FRMD4A: variants seen among roughly 807,000 people sequenced by gnomAD.
The protein encoded by FRMD4A is FERM domain-containing protein 4A.
In FRMD4A, 29 loss-of-function variants were observed where a neutral mutation model predicts 129.1. The observed-to-expected ratio is 0.22, with a 90% CI of 0.17 to 0.31. The LOEUF (loss-of-function observed/expected upper bound fraction) is 0.31. FRMD4A is among the 10% of genes least tolerant of loss of function. FRMD4A has a pLI of 1.00. For missense variants in FRMD4A, 1,272 were observed against 1,375.8 expected (o/e 0.92, Z 1.19); for synonymous variants, 634 against 571.6 (o/e 1.11, Z -1.56).
chr10:14,102,671 CT>C (rs1364530802), intron 2 of FRMD4A, among the ~76,000 whole-genome samples: 2 of 151,906 alleles, frequency 1.3e-5, no homozygotes, highest in Non-Finnish European at 2.9e-5. Flanking sequence ...TGTAAATTCT[CT>C]CAATTTTATC....
intron 2 of FRMD4A, among the ~76,000 whole-genome samples, chr10:14,117,775 C>A (rs1039068164): frequency 3.3e-5 from 5 of 152,120 alleles, no homozygotes; most frequent in African/African-American, 1.2e-4. Flanking sequence ...CCTTTCAGGC[C>A]GTGCCTTTTG....
chr10:13,766,530 A>G (rs2092291870), intron 6 of FRMD4A, among the ~76,000 whole-genome samples: 1 of 152,208 alleles, frequency 6.6e-6, no homozygotes, highest in Non-Finnish European at 1.5e-5. Flanking sequence ...CATTGAATTT[A>G]AGGATCATTT....
At chr10:14,304,776 C>A (rs1046328313) in intron 2 of FRMD4A, among the ~76,000 whole-genome samples, 11 of 152,142 alleles carry the variant, frequency 7.2e-5, no homozygotes, top group Non-Finnish European at 1.5e-5. Context: ...ATTACAAATG[C>A]CAAATCAGAA....
chr10:14,008,343 G>C (rs1160519378), intron 2 of FRMD4A: 1 of 1,028,140 alleles, frequency 9.7e-7, no homozygotes, highest in Non-Finnish European at 1.2e-6. Context: ...TCAGGAGGAG[G>C]GGGGATGGGA....
At chr10:13,719,492 A>G (rs1423539454) in intron 12 of FRMD4A, among the ~76,000 whole-genome samples, 3 of 152,062 alleles carry the variant, frequency 2.0e-5, no homozygotes, top group African/African-American at 7.2e-5. Flanking sequence ...AACACCCTTG[A>G]GCCCTACTTG....
At chr10:14,244,750 A>G (rs541210580) in intron 2 of FRMD4A, among the ~76,000 whole-genome samples, 1 of 152,248 alleles carries the variant, frequency 6.6e-6, no homozygotes, top group Admixed American at 6.5e-5. Context: ...AAAACATCAC[A>G]CCCAGGAAGG....
At chr10:13,947,154 T>A (rs1588478673) in intron 2 of FRMD4A, among the ~76,000 whole-genome samples, 1 of 152,214 alleles carries the variant, frequency 6.6e-6, no homozygotes, top group African/African-American at 2.4e-5. Context: ...ACACTTCAGG[T>A]AGGAAAGCGG....
chr10:14,052,844 A>G (rs1215871057), intron 2 of FRMD4A, among the ~76,000 whole-genome samples: 1 of 152,078 alleles, frequency 6.6e-6, no homozygotes, highest in Non-Finnish European at 1.5e-5. Flanking sequence ...GATTATAGGT[A>G]TGAGCCACTG....
intron 2 of FRMD4A, among the ~76,000 whole-genome samples, chr10:14,163,581 A>C (rs753510824): frequency 2.6e-5 from 4 of 152,182 alleles, no homozygotes; most frequent in Non-Finnish European, 5.9e-5. Flanking sequence ...TTTCTGACAG[A>C]AGGAAACGTG....
chr10:13,878,564 C>G (rs2094512439), intron 2 of FRMD4A, among the ~76,000 whole-genome samples: 1 of 151,942 alleles, frequency 6.6e-6, no homozygotes, highest in African/African-American at 2.4e-5. Flanking sequence ...ACCAGCCTGG[C>G]TAACATGGCA....
At chr10:13,718,650 T>A (rs1462103909) in intron 12 of FRMD4A, among the ~76,000 whole-genome samples, 1 of 152,210 alleles carries the variant, frequency 6.6e-6, no homozygotes, top group African/African-American at 2.4e-5. Context: ...GTGTGCAGAT[T>A]GACTTGGGGA....
At chr10:13,853,149 C>G (rs192844230) in intron 3 of FRMD4A, among the ~76,000 whole-genome samples, 75 of 152,226 alleles carry the variant, frequency 4.9e-4, no homozygotes, top group Middle Eastern at 3.4e-3. Context: ...TCACATCATG[C>G]GGCAGCTCCC....
intron 2 of FRMD4A, among the ~76,000 whole-genome samples, chr10:14,126,172 T>TTTC: frequency 7.1e-6 from 1 of 140,974 alleles, no homozygotes; most frequent in East Asian, 2.1e-4. Flanking sequence ...TTGCCCACTT[T>TTTC]TTTTTTTTTT....
intron 2 of FRMD4A, among the ~76,000 whole-genome samples, chr10:14,054,318 T>C (rs1588878954): frequency 6.6e-6 from 1 of 152,174 alleles, no homozygotes; most frequent in Middle Eastern, 3.4e-3. Context: ...CCTGGAGAGG[T>C]CACCTCCCCT....
chr10:13,739,413 CA>C (rs2090855409), intron 11 of FRMD4A, among the ~76,000 whole-genome samples: 1 of 152,198 alleles, frequency 6.6e-6, no homozygotes, highest in Admixed American at 6.5e-5. Flanking sequence ...AGTGAGACCA[CA>C]AGGCCACCAG....
At chr10:13,933,091 G>T (rs1243228857) in intron 2 of FRMD4A, among the ~76,000 whole-genome samples, 4 of 152,056 alleles carry the variant, frequency 2.6e-5, no homozygotes, top group Admixed American at 6.6e-5. Context: ...ATCCTGTGAG[G>T]CAGAGGTTGC....
intron 2 of FRMD4A, among the ~76,000 whole-genome samples, chr10:14,068,539 G>A (rs915952058): frequency 5.8e-4 from 89 of 152,300 alleles, no homozygotes; most frequent in African/African-American, 1.9e-3. Flanking sequence ...GTATTAAGTA[G>A]TTGTACTTGG....
chr10:13,995,526 A>G (rs982947828), intron 2 of FRMD4A, among the ~76,000 whole-genome samples: 1 of 152,208 alleles, frequency 6.6e-6, no homozygotes, highest in South Asian at 2.1e-4. Flanking sequence ...TGGGGGTTGC[A>G]GTGAGCTGAG....
chr10:13,996,521 C>T (rs1356408328), intron 2 of FRMD4A, among the ~76,000 whole-genome samples: 1 of 152,194 alleles, frequency 6.6e-6, no homozygotes, highest in East Asian at 1.9e-4. Context: ...CACTTGTCTG[C>T]TTCTTAAACT....
Sources: allele counts gnomAD v4.1 joint callset (sites outside exome capture counted in the v4.1 genomes callset), GRCh38; gene constraint gnomAD v4.1.1; transcripts MANE v1.5; gene names NCBI Gene and HGNC (gene_info 2026-07-23, HGNC 2026-07-21).